MCF2L: variants seen among roughly 807,000 people sequenced by gnomAD.
MCF2L encodes the protein MCF.2 cell line derived transforming sequence like.
Under a neutral mutation model 153.4 loss-of-function variants are expected in MCF2L, and 97 were observed. That is an observed-to-expected ratio of 0.63 (90% CI 0.54 to 0.75). The LOEUF (loss-of-function observed/expected upper bound fraction) is 0.75, where lower values mean the gene tolerates loss of function less well. Ranked by LOEUF, MCF2L falls within the 30% of genes least tolerant of loss-of-function variation. MCF2L has a pLI of 0.00. For missense variants in MCF2L, 1,347 were observed against 1,495.2 expected (o/e 0.90, Z 1.64); for synonymous variants, 659 against 632.2 (o/e 1.04, Z -0.64).
rs533462203 is a variant in MCF2L, at chr13:112,983,301, C to T, written c.79+13843C>T. Among the ~76,000 whole-genome samples, 14 of 152,252 alleles carry T rather than the reference C, an allele frequency of 9.2e-5. No homozygotes were observed. The highest frequency in any genetic ancestry group is 3.3e-4 in the Admixed American group (5 of 15,280). On this transcript the variant is annotated intron_variant, in intron 1 of 29. Transcript: ENST00000535094. This position sits in a 1 kb window ranked among gnomAD's most constrained non-coding sequence, Gnocchi z 4.0. ...AAACTCCTAGAAGTTAGTTCTGTGT[C>T]GTGAGAATAAAAAAGTTAACATGTC...
chr13:113,085,688 C>G (rs565785), intron 20 of MCF2L, among the ~76,000 whole-genome samples: 7 of 104,066 alleles, frequency 6.7e-5, no homozygotes, highest in East Asian at 2.6e-4. Context: ...GGAGCAGGTG[C>G]GAGGGGTTTG....
chr13:112,977,657 T>A (rs923745151), intron 1 of MCF2L, among the ~76,000 whole-genome samples: 1 of 152,170 alleles, frequency 6.6e-6, no homozygotes, highest in Admixed American at 6.5e-5. Context: ...CTTGACTTCC[T>A]CAGCACCTTA....
intron 7 of MCF2L, 102 bp downstream of exon 7, chr13:113,065,187 G>C (rs760210616): frequency 7.0e-7 from 1 of 1,436,902 alleles, no homozygotes. Flanking sequence ...TCGTCCCAGC[G>C]GGAGTTTGTG....
chr13:113,065,323 C>T (rs527858742), intron 7 of MCF2L: 51 of 532,874 alleles, frequency 9.6e-5, no homozygotes, highest in Admixed American at 1.7e-4. Context: ...TTGCTGGCTG[C>T]GCCTGCCATT....
At position 113,087,475 on chromosome 13, in the gene MCF2L, G is replaced by A; in HGVS notation, c.2595+19G>A. 1 of 1,566,776 alleles carries A rather than the reference G, an allele frequency of 6.4e-7. No homozygotes were observed. The highest frequency in any genetic ancestry group is 1.8e-5 in the Admixed American group (1 of 56,420). On this transcript the variant is annotated intron_variant, in intron 22 of 29. Coordinates refer to ENST00000535094, the MANE Select transcript of MCF2L (RefSeq NM_001112732.3). Reference sequence around the variant, plus strand: ...CTTAAACGTAAGTGAGGCCGGGTCTGCAGCAGCACGCTCCTGGCCACAGAC... The same window carrying A: ...CTTAAACGTAAGTGAGGCCGGGTCTACAGCAGCACGCTCCTGGCCACAGAC...
chr13:112,963,018 G>A (rs998312414), intron 2 of MCF2L, among the ~76,000 whole-genome samples: 3 of 152,196 alleles, frequency 2.0e-5, no homozygotes, highest in Admixed American at 6.5e-5. Context: ...TCCCGTGGGT[G>A]AGAACCTGTC....
chr13:113,095,290 CGGAGG>C, intron 27 of MCF2L: 1 of 1,180,334 alleles, frequency 8.5e-7, no homozygotes, highest in Non-Finnish European at 1.1e-6. Context: ...GGACAGGTCC[CGGAGG>C]CTCTGGAAGG....
In MCF2L at chr13:113,046,889, T is replaced by G. The variant is rs1014246010; in HGVS notation, c.369+1528T>G. 3 of 286,596 alleles carry G rather than the reference T, an allele frequency of 1.0e-5. No homozygotes were observed. Among genetic ancestry groups the G allele is most frequent in the Non-Finnish European group, 2.0e-5 (3 of 147,232 alleles). The allele number at this position is 286,596 out of a possible 1,614,324, so 17.8% of individuals were successfully genotyped here. A position where few individuals can be genotyped will look rare whatever the true frequency, so the allele number is the denominator to read the frequency against. ...CCTTTGTTTTAACAGTGCGTTCGTT[T>G]GCTTTTGCGTCACTATAAAGACGTA... On this transcript the variant is annotated intron_variant, in intron 4 of 29. Transcript: ENST00000535094. This position sits in a 1 kb window ranked among gnomAD's most constrained non-coding sequence, Gnocchi z 4.4.
intron 9 of MCF2L, among the ~76,000 whole-genome samples, chr13:113,073,328 T>C (rs749967106): frequency 1.3e-5 from 2 of 152,234 alleles, no homozygotes; most frequent in Non-Finnish European, 2.9e-5. Context: ...AGTTAGATCC[T>C]GTTGGTTGAT....
In MCF2L at chr13:112,993,116, G is replaced by A. The variant is rs558454997; in HGVS notation, c.80-21647G>A. ...TGGCTTTTAAGCCAGAGATTACCAC[G>A]CGCTGCCGCGGAGGGAGAGGTAGCG... On this transcript the variant is annotated intron_variant, in intron 1 of 29. Transcript: ENST00000535094. This position sits in a 1 kb window ranked among gnomAD's most constrained non-coding sequence, Gnocchi z 4.6. 7.9e-5 allele frequency among the ~76,000 whole-genome samples: 12 copies of A among 152,382 alleles called. No individual in the cohort carries two copies. In the East Asian group the frequency reaches 1.5e-3, roughly 20 times the overall value.
At chr13:113,003,275 G>A (rs1040953555) in intron 1 of MCF2L, among the ~76,000 whole-genome samples, 2 of 151,252 alleles carry the variant, frequency 1.3e-5, no homozygotes, top group Non-Finnish European at 1.5e-5. Context: ...TGGCTTTGGG[G>A]CACCATGGAA....
upstream of MCF2L, chr13:112,965,542 C>T (rs562816660): frequency 5.9e-5 from 9 of 152,380 alleles, no homozygotes; most frequent in African/African-American, 1.9e-4. Context: ...AATTTCCTCA[C>T]AGTCCTTTTC....
intron 4 of MCF2L, among the ~76,000 whole-genome samples, chr13:113,056,448 G>A (rs111524400): frequency 8.7e-4 from 123 of 141,884 alleles, no homozygotes; most frequent in Middle Eastern, 8.2e-3. Context: ...GTGTTTCGGC[G>A]CTGAGTGGGT....
chr13:112,948,916 A>C (rs1379266549), intron 2 of MCF2L, among the ~76,000 whole-genome samples: 1 of 152,134 alleles, frequency 6.6e-6, no homozygotes, highest in Non-Finnish European at 1.5e-5. Flanking sequence ...AAATACAAAA[A>C]TTAGCCAGGC....
chr13:113,041,520 A>G (rs928669715), intron 3 of MCF2L, among the ~76,000 whole-genome samples: 2 of 150,856 alleles, frequency 1.3e-5, no homozygotes, highest in African/African-American at 4.9e-5. Context: ...GACCACAGTC[A>G]GTATGGGGGA....
intron 2 of MCF2L, among the ~76,000 whole-genome samples, chr13:112,950,153 C>CAAA (rs35804478): frequency 1.3e-5 from 2 of 151,176 alleles, no homozygotes; most frequent in African/African-American, 2.4e-5. Context: ...TTTAAAATTA[C>CAAA]AAAAAAAAAC....
intron 2 of MCF2L, among the ~76,000 whole-genome samples, chr13:113,017,575 G>A (rs906559598): frequency 2.6e-5 from 4 of 152,246 alleles, no homozygotes; most frequent in African/African-American, 9.6e-5. Flanking sequence ...GCCTTTCAGG[G>A]GCCGCCTTGG....
At chr13:113,075,941 C>T (rs762874125) in intron 11 of MCF2L, 25 bp from the exon 12 acceptor site, 1 of 1,575,846 alleles carries the variant, frequency 6.3e-7, no homozygotes, top group East Asian at 2.3e-5. Flanking sequence ...GGCGTCCTGC[C>T]CTCGGCAATG....
In MCF2L at chr13:112,969,735, T is replaced by G. The variant is rs1566670259; in HGVS notation, c.79+277T>G. Among the ~76,000 whole-genome samples, 1 of 152,206 alleles carries G rather than the reference T, an allele frequency of 6.6e-6. No individual in the cohort carries two copies. The highest frequency in any genetic ancestry group is 1.5e-5 in the Non-Finnish European group (1 of 68,038). ...CGGAGCCATTTGTGTGTCTGAAGTC[T>G]GCCCATCAACCTGCCTGTCCGCAGC... On this transcript the variant is annotated intron_variant, in intron 1 of 29. Transcript: ENST00000535094. This position sits in a 1 kb window ranked among gnomAD's most constrained non-coding sequence, Gnocchi z 4.8.
Sources: allele counts gnomAD v4.1 joint callset (sites outside exome capture counted in the v4.1 genomes callset), GRCh38; gene constraint gnomAD v4.1.1; non-coding constraint Gnocchi (gnomAD v3.1); transcripts MANE v1.5; gene names NCBI Gene and HGNC (gene_info 2026-07-23, HGNC 2026-07-21).